Variants in SAMMSON observed in about 807,000 individuals in gnomAD.
SAMMSON encodes survival associated mitochondrial melanoma specific oncogenic non-coding RNA, also known as long intergenic non-protein coding RNA 1212.
intron 4 of SAMMSON, among the ~76,000 whole-genome samples, chr3:70,223,623 G>A (rs1475745099): frequency 1.3e-5 from 2 of 152,156 alleles, no homozygotes; most frequent in African/African-American, 4.8e-5. Context: ...AGTCTTACAG[G>A]CTATTTCCTG....
chr3:70,262,002 TTTG>T (rs1424860370), intron 6 of SAMMSON, among the ~76,000 whole-genome samples: 3 of 152,124 alleles, frequency 2.0e-5, no homozygotes, highest in Non-Finnish European at 4.4e-5. Context: ...CCCATAAGAG[TTTG>T]ATCTAACCCC....
At chr3:70,087,680 G>C (rs1237204187) in intron 4 of SAMMSON, among the ~76,000 whole-genome samples, 1 of 152,128 alleles carries the variant, frequency 6.6e-6, no homozygotes, top group Admixed American at 6.6e-5. Flanking sequence ...GGCTGGGGAA[G>C]GCATTATCCT....
intron 4 of SAMMSON, among the ~76,000 whole-genome samples, chr3:70,240,127 TG>T (rs1701652457): frequency 6.6e-6 from 1 of 152,146 alleles, no homozygotes. Context: ...AAGGACTTAA[TG>T]TAAATTTTTA....
intron 9 of SAMMSON, among the ~76,000 whole-genome samples, chr3:70,375,416 T>G (rs1457614944): frequency 7.1e-6 from 1 of 140,762 alleles, no homozygotes; most frequent in Non-Finnish European, 1.6e-5. Context: ...TTTTTTTTTT[T>G]GCCACAAGTG....
At chr3:70,244,833 A>T (rs1052078999) in intron 4 of SAMMSON, among the ~76,000 whole-genome samples, 94 of 152,334 alleles carry the variant, frequency 6.2e-4, no homozygotes, top group African/African-American at 2.0e-3. Context: ...TCACATTCCT[A>T]TGTGCTCTGC....
At chr3:70,039,778 C>A (rs1478441025) in intron 3 of SAMMSON, among the ~76,000 whole-genome samples, 1 of 151,904 alleles carries the variant, frequency 6.6e-6, no homozygotes, top group Non-Finnish European at 1.5e-5. Context: ...AGAAGTGGTC[C>A]CTGCAGCAAC....
intron 6 of SAMMSON, among the ~76,000 whole-genome samples, chr3:70,290,273 C>T (rs1345001649): frequency 1.3e-5 from 2 of 152,184 alleles, no homozygotes; most frequent in African/African-American, 4.8e-5. Flanking sequence ...AGTTTTCCTT[C>T]TAACAGACGG....
intron 2 of SAMMSON, among the ~76,000 whole-genome samples, chr3:70,425,637 T>C (rs1476146269): frequency 6.6e-6 from 1 of 151,816 alleles, no homozygotes; most frequent in Non-Finnish European, 1.5e-5. Context: ...ATGGTCTCGA[T>C]CTACTGACCT....
chr3:70,196,943 C>T (rs954204224), intron 4 of SAMMSON: 2 of 398,436 alleles, frequency 5.0e-6, no homozygotes, highest in Admixed American at 4.4e-5. Flanking sequence ...TAACAGATTT[C>T]TGAAATCTCC....
downstream of SAMMSON, among the ~76,000 whole-genome samples, chr3:70,393,384 T>C (rs889706855): frequency 2.0e-5 from 3 of 152,206 alleles, no homozygotes; most frequent in African/African-American, 4.8e-5. Flanking sequence ...AACACCTCAG[T>C]TGATTTCAAC....
At chr3:70,274,434 C>G (rs534166793) in intron 6 of SAMMSON, among the ~76,000 whole-genome samples, 3 of 151,134 alleles carry the variant, frequency 2.0e-5, no homozygotes, top group African/African-American at 7.4e-5. Flanking sequence ...CATTGTTCAT[C>G]AACTCAGTGT....
chr3:70,329,664 T>C (rs563516546), intron 7 of SAMMSON, among the ~76,000 whole-genome samples: 1 of 152,132 alleles, frequency 6.6e-6, no homozygotes, highest in South Asian at 2.1e-4. Context: ...ATATGAATTC[T>C]GGCATATTTC....
At chr3:70,362,154 C>T (rs1406419737) in intron 9 of SAMMSON, among the ~76,000 whole-genome samples, 1 of 152,100 alleles carries the variant, frequency 6.6e-6, no homozygotes, top group Non-Finnish European at 1.5e-5. Context: ...AAAGTCTTTA[C>T]TTGGGGAAAT....
At chr3:70,363,958 T>C (rs1479296192) in intron 9 of SAMMSON, among the ~76,000 whole-genome samples, 2 of 151,900 alleles carry the variant, frequency 1.3e-5, no homozygotes, top group Non-Finnish European at 2.9e-5. Context: ...TTTTTGTCTG[T>C]TTAGTTGAGT....
chr3:70,310,718 G>A (rs1702446642), intron 7 of SAMMSON, among the ~76,000 whole-genome samples: 1 of 152,096 alleles, frequency 6.6e-6, no homozygotes, highest in African/African-American at 2.4e-5. Flanking sequence ...AAGGACAAGA[G>A]TGGATGTGAG....
At chr3:70,066,162 C>A (rs979810716) in intron 3 of SAMMSON, among the ~76,000 whole-genome samples, 8 of 152,090 alleles carry the variant, frequency 5.3e-5, no homozygotes, top group African/African-American at 1.9e-4. Flanking sequence ...TATAAAAGTA[C>A]AACTGAAAAC....
At chr3:70,168,689 G>A (rs1030183343) in intron 4 of SAMMSON, among the ~76,000 whole-genome samples, 4 of 151,896 alleles carry the variant, frequency 2.6e-5, no homozygotes, top group Non-Finnish European at 4.4e-5. Context: ...GGCCCCACTT[G>A]TCAACATTAG....
chr3:70,425,301 G>T (rs1701353474), intron 2 of SAMMSON: 1 of 152,142 alleles, frequency 6.6e-6, no homozygotes, highest in African/African-American at 2.4e-5. Context: ...GAGCACAAAA[G>T]AAATTGAACG....
chr3:70,032,765 C>G (rs1395862100), intron 3 of SAMMSON, among the ~76,000 whole-genome samples: 1 of 152,158 alleles, frequency 6.6e-6, no homozygotes, highest in Non-Finnish European at 1.5e-5. Context: ...GAGTTCAGAG[C>G]CCAGTGCAGG....
Sources: gnomAD v4.1 joint callset for allele counts (sites outside exome capture counted in the v4.1 genomes callset) on GRCh38, gnomAD v4.1.1 for gene constraint, MANE v1.5 for transcripts, NCBI Gene and HGNC (gene_info 2026-07-23, HGNC 2026-07-21) for gene names.